The following C9 variants were observed in gnomAD, a reference collection of about 807,000 sequenced individuals.
The protein encoded by C9 is complement C9, also known as complement component C9.
C9 carries 63 observed loss-of-function variants against 65.4 expected under a neutral mutation model. The ratio of observed to expected loss-of-function variants is 0.96; its 90% CI spans 0.79 to 1.19. The LOEUF (loss-of-function observed/expected upper bound fraction) is 1.19. C9 is among the 50% of genes most tolerant of loss of function. The probability of loss-of-function intolerance (pLI) is 0.00; values close to 1 mark genes in which losing one functional copy is unlikely to be tolerated. For missense variants in C9, 744 were observed against 670.1 expected (o/e 1.11, Z -1.22); for synonymous variants, 229 against 227.9 (o/e 1.00, Z -0.04).
intron 1 of C9, among the ~76,000 whole-genome samples, chr5:39,355,437 C>T (rs1754398348): frequency 7.0e-6 from 1 of 143,518 alleles, no homozygotes; most frequent in South Asian, 2.4e-4. Flanking sequence ...TCCTTCTTAG[C>T]TTCTAACCCA....
intron 6 of C9, among the ~76,000 whole-genome samples, chr5:39,315,400 G>T (rs1753551898): frequency 6.6e-6 from 1 of 152,106 alleles, no homozygotes; most frequent in African/African-American, 2.4e-5. Flanking sequence ...GACACAGTTT[G>T]TAGTTAATAA....
intron 9 of C9, among the ~76,000 whole-genome samples, chr5:39,297,876 C>T (rs948681806): frequency 6.6e-6 from 1 of 151,710 alleles, no homozygotes; most frequent in Non-Finnish European, 1.5e-5. Flanking sequence ...TTCTACCCAA[C>T]AACAGCAGAA....
At chr5:39,310,438 T>C (rs932014274) in intron 7 of C9, among the ~76,000 whole-genome samples, 9 of 152,166 alleles carry the variant, frequency 5.9e-5, no homozygotes, top group African/African-American at 1.2e-4. Context: ...TTGCATTTAC[T>C]TTTTTCTTAA....
Position 39,363,680 on chromosome 5 carries a change from T to A in C9, c.77+708A>T, listed in dbSNP as rs74755563. ...GAAGGAAGGATGCCTCATGTGACCC[T>A]AACCTCCACCATTTCTAGGTACAGT... On this transcript the variant is annotated intron_variant, in intron 1 of 10. Coordinates refer to ENST00000263408, the MANE Select transcript of C9 (RefSeq NM_001737.5). Among the ~76,000 whole-genome samples, 244 of 152,334 alleles carry A rather than the reference T, an allele frequency of 1.6e-3. 8 individuals carry two copies. In the East Asian group the frequency reaches 0.04, roughly 25 times the overall value.
intron 5 of C9, among the ~76,000 whole-genome samples, chr5:39,327,287 A>G (rs1753763695): frequency 6.6e-6 from 1 of 152,150 alleles, no homozygotes; most frequent in Non-Finnish European, 1.5e-5. Flanking sequence ...TTATTTTTAC[A>G]CTGAAATGTG....
intron 10 of C9, among the ~76,000 whole-genome samples, chr5:39,285,485 T>TA (rs1752974964): frequency 6.6e-6 from 1 of 152,086 alleles, no homozygotes; most frequent in Non-Finnish European, 1.5e-5. Context: ...GCAGCATAGA[T>TA]AGAGAACTGA....
At chr5:39,341,990 C>T in intron 2 of C9, 101 bp downstream of exon 2, 1 of 802,796 alleles carries the variant, frequency 1.2e-6, no homozygotes, top group Non-Finnish European at 2.2e-6. Context: ...GGGTTTGGAA[C>T]TCAGTTGTGG....
chr5:39,359,478 G>A (rs892823048), intron 1 of C9, among the ~76,000 whole-genome samples: 2 of 152,078 alleles, frequency 1.3e-5, no homozygotes, highest in South Asian at 4.1e-4. Context: ...ATGTGATGTT[G>A]TCAGAATATA....
intron 1 of C9, among the ~76,000 whole-genome samples, chr5:39,352,804 G>A (rs1445517115): frequency 2.6e-5 from 4 of 151,280 alleles, no homozygotes; most frequent in Non-Finnish European, 1.5e-5. Flanking sequence ...ACCTTCAGTA[G>A]CTTCCCACCA....
At chr5:39,302,832 A>T (rs1753307853) in intron 9 of C9, among the ~76,000 whole-genome samples, 1 of 152,166 alleles carries the variant, frequency 6.6e-6, no homozygotes, top group Non-Finnish European at 1.5e-5. Context: ...ACACAGTTGA[A>T]TTTACTGATC....
intron 9 of C9, among the ~76,000 whole-genome samples, chr5:39,298,651 T>C (rs1043800911): frequency 1.3e-5 from 2 of 151,778 alleles, no homozygotes; most frequent in African/African-American, 4.8e-5. Flanking sequence ...GATGGCATTA[T>C]TGGTGAATTC....
At chr5:39,328,053 G>C (rs748669873) in intron 5 of C9, among the ~76,000 whole-genome samples, 1 of 152,124 alleles carries the variant, frequency 6.6e-6, no homozygotes, top group Non-Finnish European at 1.5e-5. Context: ...ATATATGAAG[G>C]CCAGAGTGGA....
At chr5:39,321,970 A>G (rs1031813250) in intron 5 of C9, among the ~76,000 whole-genome samples, 5 of 152,100 alleles carry the variant, frequency 3.3e-5, no homozygotes, top group African/African-American at 1.2e-4. Flanking sequence ...TTAAGGAAAC[A>G]TTGGAACTGA....
intron 6 of C9, among the ~76,000 whole-genome samples, chr5:39,315,460 A>G (rs1192921775): frequency 6.6e-6 from 1 of 152,204 alleles, no homozygotes; most frequent in Non-Finnish European, 1.5e-5. Flanking sequence ...AGAATTCTTC[A>G]GTATAATTCT....
chr5:39,349,851 C>G (rs1754289207), intron 1 of C9, among the ~76,000 whole-genome samples: 2 of 152,140 alleles, frequency 1.3e-5, no homozygotes, highest in African/African-American at 4.8e-5. Context: ...ATGCAGGCGC[C>G]TCTTCTTCTG....
chr5:39,323,706 T>C (rs1198092612), intron 5 of C9, among the ~76,000 whole-genome samples: 2 of 151,896 alleles, frequency 1.3e-5, no homozygotes, highest in Non-Finnish European at 2.9e-5. Flanking sequence ...CAAGCCCACA[T>C]TGACCATTAT....
At chr5:39,346,714 A>T (rs142550714) in intron 1 of C9, among the ~76,000 whole-genome samples, 2,892 of 152,334 alleles carry the variant, frequency 0.019, 43 homozygotes, top group Middle Eastern at 0.037. Context: ...CAAAGACACA[A>T]CAAAAAAAGA....
intron 1 of C9, among the ~76,000 whole-genome samples, chr5:39,349,862 A>G (rs1754289417): frequency 6.6e-6 from 1 of 151,806 alleles, no homozygotes; most frequent in Non-Finnish European, 1.5e-5. Context: ...TCTTCTTCTG[A>G]TAGTCCTTGA....
intron 1 of C9, 137 bp downstream of exon 1, chr5:39,364,250 CT>C (rs1163152230): frequency 1.5e-6 from 1 of 662,482 alleles, no homozygotes; most frequent in Admixed American, 2.1e-5. Context: ...TTTCTTATCT[CT>C]TTTCGAAGTT....
Sources: gnomAD v4.1 joint callset for allele counts (sites outside exome capture counted in the v4.1 genomes callset) on GRCh38, gnomAD v4.1.1 for gene constraint, MANE v1.5 for transcripts, NCBI Gene and HGNC (gene_info 2026-07-23, HGNC 2026-07-21) for gene names.